Variants in WNK1 observed in about 807,000 individuals in gnomAD.
The protein encoded by WNK1 is WNK lysine deficient protein kinase 1, also known as serine/threonine-protein kinase WNK1.
In WNK1, 38 loss-of-function variants were observed where a neutral mutation model predicts 222.8. That is an observed-to-expected ratio of 0.17 (90% CI 0.13 to 0.22). The LOEUF (loss-of-function observed/expected upper bound fraction) is 0.22, where lower values mean the gene tolerates loss of function less well. WNK1 is among the 10% of genes least tolerant of loss of function. WNK1 has a pLI of 1.00. For synonymous variants in WNK1, 1,090 were observed against 1,092.9 expected, an observed-to-expected ratio of 1.00 and a Z score of 0.05; for missense variants, 2,348 against 2,918.4, an observed-to-expected ratio of 0.80 and a Z score of 4.50.
intron 8 of WNK1, among the ~76,000 whole-genome samples, chr12:870,373 A>G (rs1321652690): frequency 6.6e-6 from 1 of 152,256 alleles, no homozygotes; most frequent in Non-Finnish European, 1.5e-5. Flanking sequence ...TTATAGACAT[A>G]CTACAGAAGG....
chr12:781,252 T>A (rs1328796789), intron 1 of WNK1: 1 of 154,510 alleles, frequency 6.5e-6, no homozygotes, highest in Admixed American at 6.5e-5. Flanking sequence ...GTACAATTTT[T>A]GGAAGAATGA....
At chr12:754,713 G>A (rs1163388551) in intron 1 of WNK1, among the ~76,000 whole-genome samples, 1 of 152,176 alleles carries the variant, frequency 6.6e-6, no homozygotes, top group Non-Finnish European at 1.5e-5. Context: ...GGGTGTAGAA[G>A]CGTGTTTTCA....
At position 880,975 on chromosome 12, in the gene WNK1, A is replaced by T; in HGVS notation, c.3087A>T (p.Thr1029=). 6.2e-7 allele frequency: 1 copy of T among 1,614,066 alleles called. No individual in the cohort carries two copies. Among genetic ancestry groups the T allele is most frequent in the Middle Eastern group, 1.6e-4 (1 of 6,062 alleles). ...PGGSLAQAPT[T]SSQQAVLEST... is the part of the protein sequence containing the mutation. The stretch of plus-strand genomic sequence containing the variant: ...GGAGTTTAGCACAAGCCCCCACTAC[A>T]TCCTCCCAGCAAGCAGTTTTGGAGG... The change falls in exon 12 of 28, where the codon ACA becomes ACT. Residue 1029 remains threonine (T), a synonymous_variant. Transcript: ENST00000315939.
At chr12:866,285 T>A (rs548935023) in intron 8 of WNK1, among the ~76,000 whole-genome samples, 1 of 152,312 alleles carries the variant, frequency 6.6e-6, no homozygotes, top group South Asian at 2.1e-4. Flanking sequence ...TCGATAAGGA[T>A]CTTCCCTATG....
Position 907,886 on chromosome 12 carries a change from G to A in WNK1, c.6683G>A (p.Ser2228Asn). ...STNTVGATVN[S>N]QAAQAQPPAM... ...AACACTGTTGGGGCAACAGTGAACA[G>A]CCAAGCCGCCCAAGCTCAGCCTCCT... is the stretch of plus-strand genomic sequence containing the variant. Residue 2228 changes from serine to asparagine, a missense_variant, in exon 27 of 28, where the codon AGC becomes AAC. Coordinates refer to ENST00000315939, the MANE Select transcript of WNK1 (RefSeq NM_018979.4). 6.2e-7 allele frequency: 1 copy of A among 1,614,056 alleles called. No homozygotes were observed. The highest frequency in any genetic ancestry group is 8.5e-7 in the Non-Finnish European group (1 of 1,180,020).
chr12:838,107 G>GTGTGTGTGTGTA (rs1220649743), intron 4 of WNK1, among the ~76,000 whole-genome samples: 1 of 139,084 alleles, frequency 7.2e-6, no homozygotes, highest in African/African-American at 2.6e-5. Flanking sequence ...GTGTGTGTGT[G>GTGTGTGTGTGTA]TGTATGTATA....
At chr12:830,706 AGTT>A (rs1175585080) in intron 4 of WNK1, among the ~76,000 whole-genome samples, 13 of 152,342 alleles carry the variant, frequency 8.5e-5, no homozygotes, top group African/African-American at 3.1e-4. Flanking sequence ...CCTGAAAGGT[AGTT>A]GTTATGATTC....
chr12:820,369 A>G (rs761346015), intron 2 of WNK1, among the ~76,000 whole-genome samples: 20 of 151,522 alleles, frequency 1.3e-4, no homozygotes, highest in Non-Finnish European at 1.2e-4. Flanking sequence ...TTGCTGGTAT[A>G]TATAAATACA....
Position 880,002 on chromosome 12 carries a change from C to A in WNK1, c.2803C>A (p.Pro935Thr), listed in dbSNP as rs772112752. ...TAACCTTGGACAAGCTGCTGAGGTT[C>A]CACTTTCCTCTGGAGATGTTCTGTA... ...PANLGQAAEV[P>T]LSSGDVLYQG... Residue 935 changes from proline (P) to threonine (T), a missense_variant, in exon 11 of 28, where the codon CCA becomes ACA. Physicochemically the swap from Pro to Thr is conservative, Grantham distance 38. Transcript: ENST00000315939. 3 of 1,614,032 alleles carry A rather than the reference C, an allele frequency of 1.9e-6. No individual in the cohort carries two copies. In the South Asian group the frequency reaches 3.3e-5, roughly 18 times the overall value.
chr12:855,826 G>GTTTTGT (rs780626743), intron 4 of WNK1, among the ~76,000 whole-genome samples: 13 of 151,810 alleles, frequency 8.6e-5, no homozygotes, highest in East Asian at 3.9e-4. Context: ...ACACATTGCT[G>GTTTTGT]TTTTGTTTTT....
intron 4 of WNK1, among the ~76,000 whole-genome samples, chr12:843,124 C>T (rs139812430): frequency 1.2e-3 from 185 of 152,144 alleles, no homozygotes; most frequent in African/African-American, 4.3e-3. Context: ...TTAGTTAAAA[C>T]GGGGGTTTTA....
At chr12:837,280 T>A (rs897805583) in intron 4 of WNK1, among the ~76,000 whole-genome samples, 3 of 152,154 alleles carry the variant, frequency 2.0e-5, no homozygotes, top group Admixed American at 6.5e-5. Flanking sequence ...GTGGTTGAAA[T>A]ACAGCCGTGA....
At chr12:810,888 A>G (rs1946844796) in intron 1 of WNK1, among the ~76,000 whole-genome samples, 1 of 152,102 alleles carries the variant, frequency 6.6e-6, no homozygotes, top group African/African-American at 2.4e-5. Context: ...CCCCACCCCC[A>G]GCAGCCTGGA....
intron 4 of WNK1, among the ~76,000 whole-genome samples, chr12:835,819 T>C (rs1156473797): frequency 6.6e-6 from 1 of 152,144 alleles, no homozygotes; most frequent in South Asian, 2.1e-4. Flanking sequence ...CTGGGCATGA[T>C]GGCATGTGCC....
Position 798,243 on chromosome 12 carries a change from G to A in WNK1, c.760-15399G>A, listed in dbSNP as rs563020955. On this transcript the variant is annotated intron_variant, in intron 1 of 27. Transcript: ENST00000315939. The stretch of plus-strand genomic sequence containing the variant: ...GTCTGGCTCTGTCGCCCAGGCTGGA[G>A]TGCAGTGGCCCGATCTCGGCTCACT... 4.0e-5 allele frequency among the ~76,000 whole-genome samples: 6 copies of A among 151,240 alleles called. No individual in the cohort carries two copies. In the South Asian group the frequency reaches 1.3e-3, roughly 32 times the overall value.
chr12:759,241 T>G lies in WNK1; in HGVS notation c.759+4917T>G, dbSNP rs528099289. Among the ~76,000 whole-genome samples the G allele has an allele frequency of 1.2e-4, 17 of 147,416 alleles. 3 individuals are homozygous for G. In the South Asian group the frequency reaches 3.8e-3, roughly 33 times the overall value. ...TAGCATACTATGAAATAATTCATAATTACCGTTAGTACACCTTTGCTATAC... is the reference window on the plus strand; with the variant it reads ...TAGCATACTATGAAATAATTCATAAGTACCGTTAGTACACCTTTGCTATAC... On this transcript the variant is annotated intron_variant, in intron 1 of 27. Coordinates refer to ENST00000315939, the MANE Select transcript of WNK1 (RefSeq NM_018979.4).
At position 765,574 on chromosome 12, in the gene WNK1, C is replaced by T. The variant is rs917023871; in HGVS notation, c.759+11250C>T. On this transcript the variant is annotated intron_variant, in intron 1 of 27. Transcript: ENST00000315939. ...AAAAACAATTTTTTTTTAATCATTG[C>T]AGAAAATTCTTTTGGAATGTGCTAT... Among the ~76,000 whole-genome samples the T allele has an allele frequency of 5.0e-5, 6 of 120,168 alleles. 1 individual carries two copies. The highest frequency in any genetic ancestry group is 1.6e-4 in the African/African-American group (6 of 38,464). The allele number at this position is 120,168 out of a possible 152,430, so 78.8% of individuals were successfully genotyped here.
intron 20 of WNK1, among the ~76,000 whole-genome samples, chr12:887,978 A>G (rs939743559): frequency 3.9e-5 from 6 of 152,102 alleles, no homozygotes; most frequent in Non-Finnish European, 5.9e-5. Context: ...GGACAGAATT[A>G]CCTGTAATAT....
intron 1 of WNK1, among the ~76,000 whole-genome samples, chr12:812,830 A>G (rs901717393): frequency 5.9e-5 from 9 of 152,206 alleles, no homozygotes; most frequent in Non-Finnish European, 1.0e-4. Flanking sequence ...GTTTAAAAAG[A>G]AAAGAAGAGT....
Sources: allele counts gnomAD v4.1 joint callset (sites outside exome capture counted in the v4.1 genomes callset), GRCh38; gene constraint gnomAD v4.1.1; transcripts MANE v1.5; gene names NCBI Gene and HGNC (gene_info 2026-07-23, HGNC 2026-07-21).